The following TSPAN9 variants were observed in gnomAD, a reference collection of about 807,000 sequenced individuals.
The protein encoded by TSPAN9 is tetraspanin-9.
A neutral mutation model predicts 31.0 loss-of-function variants in TSPAN9; 16 were observed. The observed-to-expected ratio is 0.52, with a 90% CI of 0.35 to 0.78. The LOEUF (loss-of-function observed/expected upper bound fraction) is 0.78, where lower values mean the gene tolerates loss of function less well. Among genes scored for constraint, TSPAN9 ranks in the 30% least tolerant of loss-of-function variants. TSPAN9 has a pLI of 0.01. For missense variants in TSPAN9, 272 were observed against 312.5 expected, an observed-to-expected ratio of 0.87 and a Z score of 0.98; for synonymous variants, 145 against 121.6, an observed-to-expected ratio of 1.19 and a Z score of -1.27.
chr12:3,261,780 A>G (rs1332267154), intron 3 of TSPAN9, among the ~76,000 whole-genome samples: 1 of 152,220 alleles, frequency 6.6e-6, no homozygotes, highest in African/African-American at 2.4e-5. Flanking sequence ...CACCTGGTGC[A>G]AGAGCAAGAC....
At chr12:3,163,148 T>C (rs1410480011) in intron 2 of TSPAN9, among the ~76,000 whole-genome samples, 1 of 152,228 alleles carries the variant, frequency 6.6e-6, no homozygotes, top group East Asian at 1.9e-4. Flanking sequence ...CTGCCTGGCA[T>C]GATCAATAGT....
At chr12:3,159,992 C>G (rs770742606) in intron 2 of TSPAN9, among the ~76,000 whole-genome samples, 1 of 152,172 alleles carries the variant, frequency 6.6e-6, no homozygotes, top group Admixed American at 6.5e-5. Flanking sequence ...TTAATCTGTT[C>G]AAGTTGTATA....
In TSPAN9 at chr12:3,187,604, G is replaced by A. The variant is rs112919855; in HGVS notation, c.-17-13573G>A. Among the ~76,000 whole-genome samples the A allele has an allele frequency of 5.3e-5, 8 of 152,228 alleles. 1 individual carries two copies. Among genetic ancestry groups the A allele is most frequent in the African/African-American group, 1.9e-4 (8 of 41,534 alleles). On this transcript the variant is annotated intron_variant, in intron 2 of 8. Transcript: ENST00000011898. This position sits in a 1 kb window ranked among gnomAD's most constrained non-coding sequence, Gnocchi z 5.2. ...GCCCTTTGTTCCCTCTTTTACAAACGGAGACAACTTCCCTGCTTATCTTGC... is the reference window on the plus strand; with the variant it reads ...GCCCTTTGTTCCCTCTTTTACAAACAGAGACAACTTCCCTGCTTATCTTGC...
At chr12:3,200,529 G>C (rs2098370871) in intron 2 of TSPAN9, 1 of 152,400 alleles carries the variant, frequency 6.6e-6, no homozygotes, top group Non-Finnish European at 1.5e-5. Context: ...GTGTGCCCAG[G>C]GAGCCTGGAT....
At chr12:3,260,304 T>C (rs562258555) in intron 3 of TSPAN9, among the ~76,000 whole-genome samples, 12 of 152,372 alleles carry the variant, frequency 7.9e-5, no homozygotes, top group African/African-American at 2.4e-4. Context: ...TCATTAGCAG[T>C]CCCTGTTGTC....
intron 2 of TSPAN9, among the ~76,000 whole-genome samples, chr12:3,118,419 G>A (rs550843462): frequency 2.0e-4 from 30 of 151,604 alleles, no homozygotes; most frequent in African/African-American, 6.8e-4. Flanking sequence ...CCACCATCAT[G>A]CCCGGCTAAT....
chr12:3,106,532 G>A (rs2098314768), intron 2 of TSPAN9, among the ~76,000 whole-genome samples: 1 of 152,204 alleles, frequency 6.6e-6, no homozygotes, highest in South Asian at 2.1e-4. Context: ...CGCTTGGGGA[G>A]GCTGAGACAG....
intron 2 of TSPAN9, among the ~76,000 whole-genome samples, chr12:3,132,009 T>C (rs1330030004): frequency 6.6e-6 from 1 of 152,212 alleles, no homozygotes; most frequent in Non-Finnish European, 1.5e-5. Flanking sequence ...TTCGTGTAAA[T>C]AGAATCATAC....
intron 3 of TSPAN9, among the ~76,000 whole-genome samples, chr12:3,244,490 C>T (rs940190777): frequency 6.6e-6 from 1 of 152,212 alleles, no homozygotes; most frequent in African/African-American, 2.4e-5. Context: ...GCGTGAGGTG[C>T]GCAGATGGGG....
chr12:3,098,167 G>A (rs1034600594), intron 2 of TSPAN9, among the ~76,000 whole-genome samples: 1 of 152,246 alleles, frequency 6.6e-6, no homozygotes, highest in Non-Finnish European at 1.5e-5. Flanking sequence ...TCATTTCTTG[G>A]TGCCTCAGAT....
At chr12:3,276,284 T>C (rs1414112007) in intron 3 of TSPAN9, among the ~76,000 whole-genome samples, 4 of 152,102 alleles carry the variant, frequency 2.6e-5, no homozygotes, top group Admixed American at 6.5e-5. Context: ...GCTGAAAACC[T>C]CAGTGAGATC....
intron 3 of TSPAN9, among the ~76,000 whole-genome samples, chr12:3,249,010 C>G (rs61907358): frequency 0.056 from 8,466 of 152,308 alleles, 386 homozygotes; most frequent in African/African-American, 0.13. Context: ...TGCCATGCCC[C>G]TAGGCCAGGC....
intron 2 of TSPAN9, among the ~76,000 whole-genome samples, chr12:3,141,171 C>T (rs2098334665): frequency 6.6e-6 from 1 of 152,084 alleles, no homozygotes; most frequent in African/African-American, 2.4e-5. Flanking sequence ...TCTGTCGGCT[C>T]TCAAATACCC....
intron 2 of TSPAN9, among the ~76,000 whole-genome samples, chr12:3,169,806 G>A (rs55892045): frequency 0.11 from 16,146 of 152,094 alleles, 926 homozygotes; most frequent in African/African-American, 0.12. Context: ...GAAGAAGATC[G>A]TATCAGGTGT....
intron 3 of TSPAN9, among the ~76,000 whole-genome samples, chr12:3,265,479 A>G (rs1490525677): frequency 6.6e-6 from 1 of 152,208 alleles, no homozygotes; most frequent in African/African-American, 2.4e-5. Flanking sequence ...CAGGTGCAAA[A>G]AGGTCCACTG....
chr12:3,228,643 C>T lies in TSPAN9; in HGVS notation c.63+27387C>T, dbSNP rs554675752. Among the ~76,000 whole-genome samples, 5 of 152,366 alleles carry T rather than the reference C, an allele frequency of 3.3e-5. No individual in the cohort carries two copies. The East Asian group carries it at 5.8e-4, about 18-fold the overall frequency. On this transcript the variant is annotated intron_variant, in intron 3 of 8. Transcript: ENST00000011898. ...GCTGCCTGGCTGCAGAGCAGCGCCCCGTTCTCCTTTCAGTCTCAGCGTGAG... is the reference window on the plus strand; with the variant it reads ...GCTGCCTGGCTGCAGAGCAGCGCCCTGTTCTCCTTTCAGTCTCAGCGTGAG...
intron 2 of TSPAN9, among the ~76,000 whole-genome samples, chr12:3,095,820 C>T (rs1181068312): frequency 1.4e-5 from 2 of 145,814 alleles, no homozygotes; most frequent in African/African-American, 2.6e-5. Flanking sequence ...GATGGGATGG[C>T]GGCCGGGCGG....
At chr12:3,084,680 A>C (rs947659533) in intron 2 of TSPAN9, among the ~76,000 whole-genome samples, 1 of 152,234 alleles carries the variant, frequency 6.6e-6, no homozygotes, top group Non-Finnish European at 1.5e-5. Context: ...ATTTAACTTA[A>C]TCAGATGAAG....
intron 2 of TSPAN9, among the ~76,000 whole-genome samples, chr12:3,109,154 T>C (rs1011580132): frequency 3.3e-5 from 5 of 151,896 alleles, no homozygotes; most frequent in Admixed American, 6.6e-5. Context: ...GCCAGGATGG[T>C]CTCGATCTCC....
Sources: gnomAD v4.1 joint callset for allele counts (sites outside exome capture counted in the v4.1 genomes callset) on GRCh38, gnomAD v4.1.1 for gene constraint, Gnocchi (gnomAD v3.1) non-coding constraint, MANE v1.5 for transcripts, NCBI Gene and HGNC (gene_info 2026-07-23, HGNC 2026-07-21) for gene names.